Variants in COA1 observed in about 807,000 individuals in gnomAD.
The protein encoded by COA1 is cytochrome c oxidase assembly factor 1 homolog.
In COA1, 13 loss-of-function variants were observed where a neutral mutation model predicts 16.0. The ratio of observed to expected loss-of-function variants is 0.81; its 90% CI spans 0.53 to 1.29. The LOEUF (loss-of-function observed/expected upper bound fraction) is 1.29. COA1 is among the 50% of genes most tolerant of loss of function. The probability of loss-of-function intolerance (pLI) is 0.00; values close to 1 mark genes in which losing one functional copy is unlikely to be tolerated. For synonymous variants in COA1, 65 were observed against 65.7 expected (o/e 0.99, Z 0.05); for missense variants, 179 against 177.0 (o/e 1.01, Z -0.06).
rs1426686399 is a variant in COA1 at position 43,683,564 on chromosome 7, G to A, written c.-38-34912C>T. On this transcript the variant is annotated intron_variant, in intron 1 of 5. Transcript: ENST00000223336. ...CAGGAGAATGGCATGAACCTGGGAG[G>A]TGAAGTTTGCAGTGAGTCAAGATTG... is the stretch of plus-strand genomic sequence containing the variant. 9.2e-5 allele frequency among the ~76,000 whole-genome samples: 14 copies of A among 152,090 alleles called. 1 individual carries two copies. Among genetic ancestry groups the A allele is most frequent in the Admixed American group, 9.2e-4 (14 of 15,268 alleles).
chr7:43,621,240 G>T (rs1283281366), intron 6 of COA1, among the ~76,000 whole-genome samples: 1 of 152,124 alleles, frequency 6.6e-6, no homozygotes, highest in Non-Finnish European at 1.5e-5. Flanking sequence ...ATTTTAATGG[G>T]CCAGAATACT....
intron 1 of COA1, among the ~76,000 whole-genome samples, chr7:43,718,285 G>T (rs2095435404): frequency 6.6e-6 from 1 of 152,178 alleles, no homozygotes; most frequent in African/African-American, 2.4e-5. Context: ...CTATGAGACT[G>T]GCTGTCTAGA....
chr7:43,648,810 T>A, intron 1 of COA1, 158 bp from the exon 2 acceptor site: 1 of 568,012 alleles, frequency 1.8e-6, no homozygotes, highest in South Asian at 2.6e-5. Context: ...AAGGCCCTGG[T>A]TTTTCCCCCT....
intron 1 of COA1, among the ~76,000 whole-genome samples, chr7:43,715,006 TAAAAAAAAAAAAAAAAAAA>T (rs755827781): frequency 6.3e-4 from 60 of 95,786 alleles, no homozygotes; most frequent in African/African-American, 2.4e-3. Context: ...GCCTCTTGTC[TAAAAAAAAAAAAAAAAAAA>T]AAAAAAAGGA....
chr7:43,714,629 C>CA (rs575643573), intron 1 of COA1, among the ~76,000 whole-genome samples: 361 of 107,340 alleles, frequency 3.4e-3, no homozygotes, highest in African/African-American at 6.5e-3. Flanking sequence ...AACTCCATCT[C>CA]AAAAAAAAAA....
downstream of COA1, among the ~76,000 whole-genome samples, chr7:43,634,700 A>AT (rs1182893601): frequency 5.3e-5 from 8 of 152,094 alleles, no homozygotes; most frequent in Non-Finnish European, 8.8e-5. Context: ...AGGCTGTGGG[A>AT]TTGGGGCCAT....
At chr7:43,611,457 T>C (rs1002295322) in intron 6 of COA1, among the ~76,000 whole-genome samples, 4 of 152,214 alleles carry the variant, frequency 2.6e-5, no homozygotes, top group South Asian at 2.1e-4. Flanking sequence ...TATGGACATG[T>C]GCACACCCAC....
At chr7:43,691,347 GGGAGGGAGGGA>G (rs2094318617) in intron 1 of COA1, among the ~76,000 whole-genome samples, 4 of 12,994 alleles carry the variant, frequency 3.1e-4, no homozygotes, top group Non-Finnish European at 6.3e-4. Context: ...GAGAGAGGGA[GGGAGGGAGGGA>G]GGGAGGGAGG....
chr7:43,720,552 G>C (rs1446272474), intron 1 of COA1, among the ~76,000 whole-genome samples: 1 of 152,054 alleles, frequency 6.6e-6, no homozygotes, highest in Non-Finnish European at 1.5e-5. Flanking sequence ...TGAAAAATAG[G>C]GGTAATAATA....
At chr7:43,705,323 G>A (rs2094928596) in intron 1 of COA1, among the ~76,000 whole-genome samples, 1 of 152,248 alleles carries the variant, frequency 6.6e-6, no homozygotes, top group Admixed American at 6.5e-5. Flanking sequence ...ATGCACACTG[G>A]CAGGAGAAGG....
At chr7:43,705,430 C>T (rs577977266) in intron 1 of COA1, among the ~76,000 whole-genome samples, 6 of 152,308 alleles carry the variant, frequency 3.9e-5, no homozygotes, top group East Asian at 1.9e-4. Context: ...TGGACAGATA[C>T]GGTCTTATGG....
intron 1 of COA1, among the ~76,000 whole-genome samples, chr7:43,707,115 A>G (rs2095019657): frequency 6.6e-6 from 1 of 151,856 alleles, no homozygotes; most frequent in South Asian, 2.1e-4. Context: ...CTGAGGTTGC[A>G]GGAGGCTGAA....
intron 1 of COA1, among the ~76,000 whole-genome samples, chr7:43,706,881 AAAG>A (rs2095002978): frequency 6.6e-6 from 1 of 150,978 alleles, no homozygotes; most frequent in Non-Finnish European, 1.5e-5. Flanking sequence ...AAAAAAAGAA[AAAG>A]AAAAAGCCAG....
chr7:43,615,964 C>T (rs1458271116), intron 6 of COA1, among the ~76,000 whole-genome samples: 1 of 152,168 alleles, frequency 6.6e-6, no homozygotes, highest in Non-Finnish European at 1.5e-5. Context: ...CACTCTCGCC[C>T]ATCACCCTGC....
At position 43,691,425 on chromosome 7, in the gene COA1, G is replaced by A. The variant is rs202155180; in HGVS notation, c.-39+38004C>T. Among the ~76,000 whole-genome samples, 171 of 32,200 alleles carry A rather than the reference G, an allele frequency of 5.3e-3. 4 individuals are homozygous for A. Among genetic ancestry groups the A allele is most frequent in the East Asian group, 0.013 (12 of 926 alleles). The allele number at this position is 32,200 out of a possible 152,430, so 21.1% of individuals were successfully genotyped here. A position where few individuals can be genotyped will look rare whatever the true frequency, so the allele number is the denominator to read the frequency against. The stretch of plus-strand genomic sequence containing the variant: ...GAAGGAAGGAAGGAAGAAAGAAAAA[G>A]AAAGAAAGAAAGAAAGAAAGAAAGA... On this transcript the variant is annotated intron_variant, in intron 1 of 5. Coordinates refer to ENST00000223336, the MANE Select transcript of COA1 (RefSeq NM_018224.4).
intron 1 of COA1, among the ~76,000 whole-genome samples, chr7:43,675,456 G>C: frequency 6.7e-6 from 1 of 149,982 alleles, no homozygotes; most frequent in Non-Finnish European, 1.5e-5. Context: ...GTTGTGGGGT[G>C]GGGGCAGGGG....
intron 1 of COA1, among the ~76,000 whole-genome samples, chr7:43,692,543 A>AC (rs1266579925): frequency 6.0e-5 from 9 of 151,080 alleles, no homozygotes; most frequent in African/African-American, 9.7e-5. Context: ...AACAACAACA[A>AC]AAAAAAAACC....
chr7:43,701,325 T>A (rs2094729481), intron 1 of COA1, among the ~76,000 whole-genome samples: 2 of 152,168 alleles, frequency 1.3e-5, no homozygotes, highest in African/African-American at 4.8e-5. Context: ...TCTTCATGCA[T>A]TCACTGTTTA....
chr7:43,621,588 C>T (rs1314949979), intron 6 of COA1, among the ~76,000 whole-genome samples: 1 of 152,180 alleles, frequency 6.6e-6, no homozygotes, highest in East Asian at 1.9e-4. Context: ...CTGCCTCAGC[C>T]TCCCGAGTAG....
Sources: allele counts gnomAD v4.1 joint callset (sites outside exome capture counted in the v4.1 genomes callset), GRCh38; gene constraint gnomAD v4.1.1; transcripts MANE v1.5; gene names NCBI Gene and HGNC (gene_info 2026-07-23, HGNC 2026-07-21).